Variants in FAT3 observed in about 807,000 individuals in gnomAD.
FAT3 encodes FAT atypical cadherin 3, also known as protocadherin Fat 3.
Under a neutral mutation model 310.2 loss-of-function variants are expected in FAT3, and 95 were observed. That is an observed-to-expected ratio of 0.31 (90% CI 0.26 to 0.36). The LOEUF (loss-of-function observed/expected upper bound fraction) is 0.36. Among genes scored for constraint, FAT3 ranks in the 10% least tolerant of loss-of-function variants. FAT3 has a pLI of 1.00. For synonymous variants in FAT3, 2,314 were observed against 2,192.9 expected (o/e 1.06, Z -1.54); for missense variants, 5,408 against 5,715.6 (o/e 0.95, Z 1.74).
chr11:92,632,435 A>G (rs182443877), intron 3 of FAT3, among the ~76,000 whole-genome samples: 5 of 152,326 alleles, frequency 3.3e-5, no homozygotes, highest in Admixed American at 3.3e-4. Context: ...GGTTACTGGA[A>G]AAGGAGCTGT....
At chr11:92,301,178 A>G (rs947246863) in intron 1 of FAT3, among the ~76,000 whole-genome samples, 1 of 152,038 alleles carries the variant, frequency 6.6e-6, no homozygotes, top group Non-Finnish European at 1.5e-5. Flanking sequence ...GCTGGGCTAC[A>G]CTCACATAGG....
At chr11:92,462,356 C>T (rs1050048614) in intron 2 of FAT3, among the ~76,000 whole-genome samples, 3 of 152,062 alleles carry the variant, frequency 2.0e-5, no homozygotes, top group Non-Finnish European at 4.4e-5. Context: ...TGGTATCTAT[C>T]GTTCCCTTCT....
intron 1 of FAT3, among the ~76,000 whole-genome samples, chr11:92,286,781 A>G (rs1946571272): frequency 6.6e-6 from 1 of 151,920 alleles, no homozygotes; most frequent in Non-Finnish European, 1.5e-5. Flanking sequence ...GAGAAAAGCG[A>G]CTCCTGGTAG....
At chr11:92,648,596 G>T (rs1439718595) in intron 3 of FAT3, among the ~76,000 whole-genome samples, 3 of 152,166 alleles carry the variant, frequency 2.0e-5, no homozygotes, top group African/African-American at 2.4e-5. Context: ...ATCCACTAAT[G>T]CCTTCTGTCA....
chr11:92,654,731 C>G (rs1942517764), intron 3 of FAT3, among the ~76,000 whole-genome samples: 1 of 152,198 alleles, frequency 6.6e-6, no homozygotes, highest in Non-Finnish European at 1.5e-5. Context: ...CTGCAAAGCA[C>G]AACAGGTCCG....
At chr11:92,751,191 G>T (rs1565564542) in intron 4 of FAT3, among the ~76,000 whole-genome samples, 1 of 152,206 alleles carries the variant, frequency 6.6e-6, no homozygotes, top group South Asian at 2.1e-4. Flanking sequence ...AGCATAATGT[G>T]ATGGTTAGGA....
intron 21 of FAT3, among the ~76,000 whole-genome samples, chr11:92,859,646 A>C (rs968155684): frequency 6.6e-6 from 1 of 152,290 alleles, no homozygotes; most frequent in Middle Eastern, 3.4e-3. Context: ...GTGGTCCTTT[A>C]AAAGGATTGG....
intron 4 of FAT3, among the ~76,000 whole-genome samples, chr11:92,747,271 G>T (rs1438312522): frequency 3.9e-5 from 6 of 152,226 alleles, no homozygotes; most frequent in East Asian, 1.9e-4. Flanking sequence ...GCACCCACAG[G>T]CCCAACACCA....
intron 4 of FAT3, among the ~76,000 whole-genome samples, chr11:92,727,892 G>T (rs927128217): frequency 3.9e-5 from 6 of 152,220 alleles, no homozygotes; most frequent in Admixed American, 3.9e-4. Context: ...GGCCTCCCCA[G>T]ATCCTTTTCC....
intron 18 of FAT3, among the ~76,000 whole-genome samples, chr11:92,842,407 C>A (rs1472581850): frequency 6.6e-6 from 1 of 152,202 alleles, no homozygotes; most frequent in Non-Finnish European, 1.5e-5. Context: ...TGTGAACGGG[C>A]AACCTCTGGC....
rs397770261 is a variant in FAT3, at chr11:92,598,230, A to ATTTTT, written c.3607+73292_3607+73296dup. ...TATATGTATACATATATATATATAT[A>ATTTTT]TTTTTTTTTTTTTTGAGACAAAGTC... On this transcript the variant is annotated intron_variant, in intron 3 of 27. Transcript: ENST00000525166. Among the ~76,000 whole-genome samples, 327 of 134,424 alleles carry ATTTTT rather than the reference A, an allele frequency of 2.4e-3. 2 individuals are homozygous for ATTTTT. The highest frequency in any genetic ancestry group is 3.7e-3 in the African/African-American group (129 of 34,802). 88.2% of individuals were successfully genotyped at this position (134,424 alleles called of 152,430 possible). A position where few individuals can be genotyped will look rare whatever the true frequency, so the allele number is the denominator to read the frequency against.
chr11:92,481,265 A>G (rs1222885986), intron 2 of FAT3, among the ~76,000 whole-genome samples: 1 of 152,116 alleles, frequency 6.6e-6, no homozygotes, highest in Non-Finnish European at 1.5e-5. Context: ...TAAATTATAT[A>G]TAATTTGAAA....
chr11:92,394,476 T>C (rs941067789), intron 2 of FAT3, among the ~76,000 whole-genome samples: 6 of 152,030 alleles, frequency 3.9e-5, no homozygotes, highest in African/African-American at 1.4e-4. Context: ...GAATATAAAC[T>C]CACCCTTTCC....
At chr11:92,811,180 T>C (rs1230086778) in intron 13 of FAT3, among the ~76,000 whole-genome samples, 2 of 152,206 alleles carry the variant, frequency 1.3e-5, no homozygotes, top group East Asian at 1.9e-4. Context: ...AGACCTCTTA[T>C]TGATATATAT....
chr11:92,665,153 A>G, intron 3 of FAT3, among the ~76,000 whole-genome samples: 1 of 152,164 alleles, frequency 6.6e-6, no homozygotes, highest in East Asian at 1.9e-4. Context: ...GGTTAGAAGA[A>G]TCTCTGTTTG....
chr11:92,242,467 G>C (rs896491556), intron 1 of FAT3, among the ~76,000 whole-genome samples: 1 of 151,560 alleles, frequency 6.6e-6, no homozygotes, highest in Non-Finnish European at 1.5e-5. Context: ...CCTTTTTTTT[G>C]GTAGGATCTT....
chr11:92,600,190 T>C (rs141977907), intron 3 of FAT3, among the ~76,000 whole-genome samples: 2 of 152,342 alleles, frequency 1.3e-5, no homozygotes, highest in Non-Finnish European at 2.9e-5. Flanking sequence ...GGCACTCCCA[T>C]GCAATCCACT....
In FAT3 at chr11:92,332,283, A is replaced by G. The variant is rs180990283; in HGVS notation, c.-17-19813A>G. The stretch of plus-strand genomic sequence containing the variant: ...GCTCCATCTGGATTTCGGGCCAAAA[A>G]GATTCCAGTTAATCATTAGAATTGT... On this transcript the variant is annotated intron_variant, in intron 1 of 27. Coordinates refer to ENST00000525166, the MANE Select transcript of FAT3 (RefSeq NM_001367949.2). 3.5e-4 allele frequency among the ~76,000 whole-genome samples: 53 copies of G among 152,342 alleles called. No homozygotes were observed. The East Asian group carries it at 9.6e-3, about 28-fold the overall frequency.
At chr11:92,637,060 T>C (rs1230945649) in intron 3 of FAT3, among the ~76,000 whole-genome samples, 1 of 152,162 alleles carries the variant, frequency 6.6e-6, no homozygotes, top group East Asian at 1.9e-4. Flanking sequence ...CAGCAGACCT[T>C]TAATGAACAA....
Sources: allele counts gnomAD v4.1 joint callset (sites outside exome capture counted in the v4.1 genomes callset), GRCh38; gene constraint gnomAD v4.1.1; transcripts MANE v1.5; gene names NCBI Gene and HGNC (gene_info 2026-07-23, HGNC 2026-07-21).